CDH22: variants seen among roughly 807,000 people sequenced by gnomAD.
The protein encoded by CDH22 is cadherin-22.
In CDH22, 30 loss-of-function variants were observed where a neutral mutation model predicts 58.4. The ratio of observed to expected loss-of-function variants is 0.51; its 90% CI spans 0.38 to 0.70. The LOEUF is 0.70. CDH22 is among the 30% of genes least tolerant of loss of function. CDH22 has a pLI of 0.00. For synonymous variants in CDH22, 513 were observed against 558.2 expected (o/e 0.92, Z 1.14); for missense variants, 1,014 against 1,233.9 (o/e 0.82, Z 2.67).
intron 8 of CDH22, 35 bp from the exon 9 acceptor site, chr20:46,186,982 T>C: frequency 6.5e-7 from 1 of 1,535,740 alleles, no homozygotes; most frequent in South Asian, 1.3e-5. Context: ...GGGAGAGGCA[T>C]CAAGTGGGAG....
chr20:46,238,447 T>G (rs1263975202), intron 3 of CDH22, among the ~76,000 whole-genome samples: 3 of 152,172 alleles, frequency 2.0e-5, no homozygotes, highest in African/African-American at 7.2e-5. Flanking sequence ...ATATCCAAAT[T>G]TATCTCTCCA....
chr20:46,225,034 T>G (rs2425792), intron 4 of CDH22, among the ~76,000 whole-genome samples: 141,592 of 152,298 alleles, frequency 0.93, 66,019 homozygotes, highest in African/African-American at 0.96. Context: ...TTGTTAAAAT[T>G]AAAACCAGAG....
intron 8 of CDH22, among the ~76,000 whole-genome samples, chr20:46,189,107 T>TG (rs1005147640): frequency 2.6e-5 from 4 of 152,066 alleles, no homozygotes; most frequent in East Asian, 1.9e-4. Context: ...AGCCACCTCC[T>TG]GGGGGGGCGG....
rs1341244666 is a variant in CDH22 at position 46,236,683 on chromosome 20, A to ATC, written c.550+4279_550+4280insGA. Among the ~76,000 whole-genome samples, 868 of 131,374 alleles carry ATC rather than the reference A, an allele frequency of 6.6e-3. 4 individuals carry two copies. Among genetic ancestry groups the ATC allele is most frequent in the Admixed American group, 0.02 (264 of 13,134 alleles). The allele number at this position is 131,374 out of a possible 152,430, so 86.2% of individuals were successfully genotyped here. A position where few individuals can be genotyped will look rare whatever the true frequency, so the allele number is the denominator to read the frequency against. Reference sequence around the variant, plus strand: ...TATCTATCTATCTATCTATCTATCTATATATACATAGAGAGAGAGAGAGAG... The same window carrying ATC: ...TATCTATCTATCTATCTATCTATCTATCTATATACATAGAGAGAGAGAGAGAG... On this transcript the variant is annotated intron_variant, in intron 3 of 11. Transcript: ENST00000537909.
rs77129655 is a variant in CDH22, at chr20:46,192,923, C to A, written c.1424-5976G>T. 6.8e-3 allele frequency among the ~76,000 whole-genome samples: 1,041 copies of A among 152,162 alleles called. 6 individuals carry two copies. Among genetic ancestry groups the A allele is most frequent in the African/African-American group, 0.023 (966 of 41,500 alleles). Reference sequence around the variant, plus strand: ...CCCTGCCCTGTCCCCATGCCCCCCCCCAGTGGGAGCAGGAGGCTCAGGTGC... The same window carrying A: ...CCCTGCCCTGTCCCCATGCCCCCCCACAGTGGGAGCAGGAGGCTCAGGTGC... On this transcript the variant is annotated intron_variant, in intron 8 of 11. Transcript: ENST00000537909.
chr20:46,210,254 G>A lies in CDH22; in HGVS notation c.1286+53C>T. 1 of 1,361,538 alleles carries A rather than the reference G, an allele frequency of 7.3e-7. No homozygotes were observed. The highest frequency in any genetic ancestry group is 1.5e-5 in the African/African-American group (1 of 65,082). 84.3% of individuals were successfully genotyped at this position (1,361,538 alleles called of 1,614,324 possible). ...CCCTCTGCCCGCAGTCTGTCCGCGG[G>A]GGTGATGGCGGGATAGCAGGCAGCA... On this transcript the variant is annotated intron_variant, in intron 7 of 11. Transcript: ENST00000537909. The surrounding 1 kb of genome is among the most constrained non-coding windows in gnomAD (Gnocchi z 4.5).
intron 3 of CDH22, among the ~76,000 whole-genome samples, chr20:46,236,845 C>T (rs1600710699): frequency 6.6e-6 from 1 of 151,894 alleles, no homozygotes; most frequent in South Asian, 2.1e-4. Context: ...GTGTATGCCA[C>T]CATACCTGGC....
intron 3 of CDH22, among the ~76,000 whole-genome samples, chr20:46,240,721 A>T (rs955931062): frequency 1.4e-4 from 22 of 152,154 alleles, no homozygotes; most frequent in Non-Finnish European, 2.9e-4. Context: ...CTGTGTCCAC[A>T]TGCGGGTCCA....
intron 1 of CDH22, among the ~76,000 whole-genome samples, chr20:46,285,100 T>C (rs1228351195): frequency 6.6e-6 from 1 of 152,178 alleles, no homozygotes; most frequent in Non-Finnish European, 1.5e-5. Context: ...GGGGACTCAT[T>C]GGTTCCCATG....
At chr20:46,178,261 ACCT>A in intron 10 of CDH22, 64 bp from the exon 11 acceptor site, 2 of 1,555,666 alleles carry the variant, frequency 1.3e-6, no homozygotes, top group Non-Finnish European at 1.7e-6. Context: ...TGTCCTAGCC[ACCT>A]CCTGATTGCA....
chr20:46,223,755 T>A (rs909861492), intron 4 of CDH22, among the ~76,000 whole-genome samples: 13 of 148,408 alleles, frequency 8.8e-5, no homozygotes, highest in Non-Finnish European at 1.9e-4. Flanking sequence ...TTCCTCTTTC[T>A]TTTTCTTTCT....
In CDH22 at chr20:46,210,397, C is replaced by A; in HGVS notation, c.1196G>T (p.Gly399Val). The change falls in exon 7 of 12, where the codon GGC (glycine) becomes GTC (valine). Residue 399 changes from glycine to valine, a missense_variant. Coordinates refer to ENST00000537909, the MANE Select transcript of CDH22 (RefSeq NM_021248.3). The surrounding 1 kb of genome is among the most constrained non-coding windows in gnomAD (Gnocchi z 4.5). The stretch of plus-strand genomic sequence containing the variant: ...CGCGTCCTCCTGCACCTCCAGGAGG[C>A]CGGAGGGCGGCCGGAACTCGGGGGG... ...DEPPEFRPPSGLLEVQEDAQV... is the reference protein window; with the variant it reads ...DEPPEFRPPSVLLEVQEDAQV... The A allele has an allele frequency of 6.8e-7, 1 of 1,465,676 alleles. No individual in the cohort carries two copies. The allele number at this position is 1,465,676 out of a possible 1,614,324, so 90.8% of individuals were successfully genotyped here. A position where few individuals can be genotyped will look rare whatever the true frequency, so the allele number is the denominator to read the frequency against.
intron 10 of CDH22, among the ~76,000 whole-genome samples, chr20:46,179,486 T>C (rs1472774924): frequency 6.6e-6 from 1 of 152,184 alleles, no homozygotes; most frequent in African/African-American, 2.4e-5. Flanking sequence ...ACTTGTGGCC[T>C]TTGGCACATC....
At chr20:46,189,492 G>A (rs1012544838) in intron 8 of CDH22, among the ~76,000 whole-genome samples, 3 of 152,098 alleles carry the variant, frequency 2.0e-5, no homozygotes, top group Non-Finnish European at 2.9e-5. Context: ...GGTGGTGGGG[G>A]TGTGTGGGCT....
chr20:46,301,268 G>A (rs545836692), intron 1 of CDH22, among the ~76,000 whole-genome samples: 1 of 151,986 alleles, frequency 6.6e-6, no homozygotes, highest in South Asian at 2.1e-4. Context: ...TACTTCATAT[G>A]AGCCCCGTGC....
intron 1 of CDH22, among the ~76,000 whole-genome samples, chr20:46,291,439 C>T (rs547555989): frequency 1.3e-5 from 2 of 152,296 alleles, no homozygotes; most frequent in Admixed American, 6.5e-5. Flanking sequence ...CCATAATCCC[C>T]GTTTTACAGA....
intron 1 of CDH22, among the ~76,000 whole-genome samples, chr20:46,254,123 G>C (rs1223733244): frequency 6.6e-6 from 1 of 152,202 alleles, no homozygotes; most frequent in Non-Finnish European, 1.5e-5. Flanking sequence ...AAGACAGCAA[G>C]ATGCAATCAG....
At chr20:46,199,699 G>A (rs1246683867) in intron 7 of CDH22, 140 bp from the exon 8 acceptor site, 4 of 1,049,926 alleles carry the variant, frequency 3.8e-6, no homozygotes, top group Non-Finnish European at 5.4e-6. Flanking sequence ...TTGCGACCGA[G>A]GAGGAGCGGG....
intron 1 of CDH22, among the ~76,000 whole-genome samples, chr20:46,305,605 ACC>A (rs2086671905): frequency 6.6e-6 from 1 of 152,154 alleles, no homozygotes. Flanking sequence ...GCCAGCTGCT[ACC>A]CGTGTTATAT....
Sources: allele counts gnomAD v4.1 joint callset (sites outside exome capture counted in the v4.1 genomes callset), GRCh38; gene constraint gnomAD v4.1.1; non-coding constraint Gnocchi (gnomAD v3.1); transcripts MANE v1.5; gene names NCBI Gene and HGNC (gene_info 2026-07-23, HGNC 2026-07-21).